Variants in RSF1 observed in about 807,000 individuals in gnomAD.
The protein encoded by RSF1 is remodeling and spacing factor 1, also known as HBV pX-associated protein 8.
RSF1 carries 13 observed loss-of-function variants against 145.2 expected under a neutral mutation model. That is an observed-to-expected ratio of 0.09 (90% confidence interval 0.06 to 0.14). The LOEUF (loss-of-function observed/expected upper bound fraction) is 0.14. RSF1 is among the 10% of genes least tolerant of loss of function. RSF1 has a pLI of 1.00. For missense variants in RSF1, 1,517 were observed against 1,718.2 expected (o/e 0.88, Z 2.07); for synonymous variants, 577 against 592.6 (o/e 0.97, Z 0.38).
At chr11:77,822,875 G>A (rs1280808910), upstream of RSF1, among the ~76,000 whole-genome samples, 1 of 152,110 alleles carries the variant, frequency 6.6e-6, no homozygotes, top group Non-Finnish European at 1.5e-5. Context: ...GGTTAAAATG[G>A]CATATTTTAT....
intron 1 of RSF1, among the ~76,000 whole-genome samples, chr11:77,814,169 C>G (rs1323822352): frequency 6.7e-6 from 1 of 149,404 alleles, no homozygotes; most frequent in Non-Finnish European, 1.5e-5. Context: ...CACTGCACTC[C>G]AGCCTGGGCC....
intron 5 of RSF1, among the ~76,000 whole-genome samples, chr11:77,706,207 C>A (rs532141476): frequency 1.4e-5 from 2 of 147,602 alleles, no homozygotes; most frequent in South Asian, 4.3e-4. Context: ...CCCCACTGCA[C>A]TCCAGCCTGG....
intron 4 of RSF1, chr11:77,739,703 T>C (rs917608994): frequency 3.3e-5 from 5 of 152,218 alleles, no homozygotes; most frequent in Non-Finnish European, 7.3e-5. Flanking sequence ...AGCGGTTAGA[T>C]AGCTATGAGT....
At chr11:77,840,344 C>T in the RSF1 span, among the ~76,000 whole-genome samples, 1 of 152,014 alleles carries the variant, frequency 6.6e-6, no homozygotes, top group African/African-American at 2.4e-5. Context: ...GCCTGGCCAA[C>T]ATAGTGAAAC....
chr11:77,832,951 A>ATATG, the RSF1 span, among the ~76,000 whole-genome samples: 47 of 68,428 alleles, frequency 6.9e-4, no homozygotes, highest in Non-Finnish European at 1.1e-3. Context: ...GTATATATAT[A>ATATG]TGTGTGTGTG....
chr11:77,692,375 G>A (rs1427878043), intron 8 of RSF1, among the ~76,000 whole-genome samples: 1 of 119,144 alleles, frequency 8.4e-6, no homozygotes, highest in African/African-American at 3.8e-5. Flanking sequence ...CTCCCAAGTA[G>A]CTGGGACTAC....
intron 4 of RSF1, among the ~76,000 whole-genome samples, chr11:77,728,112 C>A (rs897317086): frequency 6.6e-6 from 1 of 152,158 alleles, no homozygotes; most frequent in African/African-American, 2.4e-5. Flanking sequence ...GTTCTCCAAA[C>A]CATTTCTTCT....
upstream of RSF1, among the ~76,000 whole-genome samples, chr11:77,824,460 G>A (rs1486089188): frequency 2.0e-5 from 3 of 152,072 alleles, no homozygotes; most frequent in African/African-American, 7.2e-5. Flanking sequence ...TAGAATTAAC[G>A]GCTAATTTAT....
Position 77,725,621 on chromosome 11 carries a change from T to C in RSF1, c.657A>G (p.Gln219=), listed in dbSNP as rs371257937. The change falls in exon 5 of 16, where the codon CAA becomes CAG. Residue 219 remains glutamine, a synonymous_variant. Transcript: ENST00000308488. ...IDPVLLKNSS[Q]QDNSSRESPS... is the part of the protein sequence containing the mutation. ...GACTTTCCCGAGAAGAGTTGTCTTG[T>C]TGGCTAGAGTTTTTCAATAGTACAG... The C allele has an allele frequency of 5.0e-6, 8 of 1,612,118 alleles. No homozygotes were observed. Among genetic ancestry groups the C allele is most frequent in the Non-Finnish European group, 6.8e-6 (8 of 1,179,092 alleles).
At chr11:77,733,654 T>C (rs1202879785) in intron 4 of RSF1, among the ~76,000 whole-genome samples, 1 of 151,666 alleles carries the variant, frequency 6.6e-6, no homozygotes, top group Non-Finnish European at 1.5e-5. Flanking sequence ...CTCAAGCTCC[T>C]GTGCTCAAGC....
At chr11:77,729,547 A>G (rs1961145427) in intron 4 of RSF1, among the ~76,000 whole-genome samples, 2 of 152,048 alleles carry the variant, frequency 1.3e-5, no homozygotes. Flanking sequence ...CAATGAAGAA[A>G]AAAAAAATAA....
intron 5 of RSF1, among the ~76,000 whole-genome samples, chr11:77,705,448 C>T (rs1421904531): frequency 2.0e-5 from 3 of 152,174 alleles, no homozygotes; most frequent in Non-Finnish European, 4.4e-5. Context: ...TTCTCCACCA[C>T]CCCTAGCAGA....
intron 1 of RSF1, among the ~76,000 whole-genome samples, chr11:77,780,606 A>G (rs1948392507): frequency 6.6e-6 from 1 of 152,170 alleles, no homozygotes; most frequent in South Asian, 2.1e-4. Context: ...TGGGCGAATC[A>G]CTGGAGGTCA....
At chr11:77,797,058 C>T (rs985057105) in intron 1 of RSF1, among the ~76,000 whole-genome samples, 9 of 152,184 alleles carry the variant, frequency 5.9e-5, no homozygotes, top group Admixed American at 5.2e-4. Context: ...TAGGAAGAAT[C>T]AATACCGTGA....
chr11:77,754,501 A>G lies in RSF1; in HGVS notation c.280-7373T>C, dbSNP rs559880852. ...TCACTCCTGTAATCCCAGCACACTG[A>G]GAGACCAAGGCAGGAGGATTGCTTG... On this transcript the variant is annotated intron_variant, in intron 2 of 15. Transcript: ENST00000308488. Among the ~76,000 whole-genome samples, 13 of 152,150 alleles carry G rather than the reference A, an allele frequency of 8.5e-5. No homozygotes were observed. In the East Asian group the frequency reaches 2.1e-3, roughly 25 times the overall value.
intron 3 of RSF1, among the ~76,000 whole-genome samples, chr11:77,742,099 G>A (rs1947946970): frequency 6.6e-6 from 1 of 152,140 alleles, no homozygotes; most frequent in South Asian, 2.1e-4. Flanking sequence ...TAATGCTGCA[G>A]TGAACACAGG....
chr11:77,718,260 C>G (rs560953451), intron 5 of RSF1: 1 of 152,012 alleles, frequency 6.6e-6, no homozygotes, highest in East Asian at 1.9e-4. Context: ...GAGCCTAGAT[C>G]GCGCCATTGT....
the RSF1 span, chr11:77,869,779 A>G: frequency 6.2e-7 from 1 of 1,613,700 alleles, no homozygotes; most frequent in Non-Finnish European, 8.5e-7. Flanking sequence ...GGGTGTACAG[A>G]CTCTTGTGAT....
In RSF1 at chr11:77,662,338, G is replaced by A. The variant is rs1397325843; in HGVS notation, c.*4579C>T. Reference sequence around the variant, plus strand: ...AAAATTGTGCTCAGGTGTCCAAAAGGAGGAAAAAAGGTCCACAAATTGGAT... The same window carrying A: ...AAAATTGTGCTCAGGTGTCCAAAAGAAGGAAAAAAGGTCCACAAATTGGAT... On this transcript the variant is annotated 3_prime_UTR_variant, in exon 16 of 16. Coordinates refer to ENST00000308488, the MANE Select transcript of RSF1 (RefSeq NM_016578.4). 2 of 152,028 alleles carry A rather than the reference G, an allele frequency of 1.3e-5. No homozygotes were observed. The highest frequency in any genetic ancestry group is 4.8e-5 in the African/African-American group (2 of 41,410). The allele number at this position is 152,028 out of a possible 1,614,324, so 9.4% of individuals were successfully genotyped here. A position where few individuals can be genotyped will look rare whatever the true frequency, so the allele number is the denominator to read the frequency against.
Sources: allele counts gnomAD v4.1 joint callset (sites outside exome capture counted in the v4.1 genomes callset), GRCh38; gene constraint gnomAD v4.1.1; transcripts MANE v1.5; gene names NCBI Gene and HGNC (gene_info 2026-07-23, HGNC 2026-07-21).